MAP3K20: variants seen among roughly 807,000 people sequenced by gnomAD.
MAP3K20 encodes mitogen-activated protein kinase kinase kinase 20, also known as HCCS-4.
In MAP3K20, 40 loss-of-function variants were observed where a neutral mutation model predicts 85.7. The observed-to-expected ratio is 0.47, with a 90% CI of 0.36 to 0.61. MAP3K20 has a LOEUF of 0.61. MAP3K20 is among the 20% of genes least tolerant of loss of function. The pLI, the probability that MAP3K20 is intolerant of heterozygous loss-of-function variation, is 0.00. For missense variants in MAP3K20, 817 were observed against 961.7 expected, an observed-to-expected ratio of 0.85 and a Z score of 1.99; for synonymous variants, 325 against 327.7, an observed-to-expected ratio of 0.99 and a Z score of 0.09.
At chr2:173,088,377 T>C (rs1014224792) in intron 1 of MAP3K20, among the ~76,000 whole-genome samples, 11 of 152,254 alleles carry the variant, frequency 7.2e-5, no homozygotes, top group Non-Finnish European at 1.3e-4. Context: ...AAGTATGCCA[T>C]GCTTGCATGC....
At chr2:173,173,190 G>C (rs1014487689) in intron 3 of MAP3K20, among the ~76,000 whole-genome samples, 2 of 134,552 alleles carry the variant, frequency 1.5e-5, no homozygotes, top group African/African-American at 2.7e-5. Flanking sequence ...GTGTGTGTGT[G>C]TGTGTGTCTG....
intron 16 of MAP3K20, among the ~76,000 whole-genome samples, chr2:173,251,347 G>A (rs917661323): frequency 1.3e-5 from 2 of 152,042 alleles, no homozygotes; most frequent in African/African-American, 4.8e-5. Context: ...GAGTGGTGGT[G>A]GATTTTGAAA....
At chr2:173,141,212 A>ACTTAT (rs1559249063) in intron 2 of MAP3K20, among the ~76,000 whole-genome samples, 1 of 151,960 alleles carries the variant, frequency 6.6e-6, no homozygotes, top group African/African-American at 2.4e-5. Context: ...TTTTATACTA[A>ACTTAT]ATTCTCGTGT....
At chr2:173,216,510 G>GTT (rs35988775) in intron 10 of MAP3K20, among the ~76,000 whole-genome samples, 10,779 of 148,990 alleles carry the variant, frequency 0.072, 535 homozygotes, top group Admixed American at 0.13. Flanking sequence ...GTTCTGGTGT[G>GTT]TTTTTTTTTT....
chr2:173,229,590 G>A, intron 11 of MAP3K20, 99 bp from the exon 12 acceptor site: 1 of 1,522,782 alleles, frequency 6.6e-7, no homozygotes, highest in Non-Finnish European at 9.0e-7. Context: ...CCAAGCCAGA[G>A]CAGCAGCTGA....
In MAP3K20 at chr2:173,243,299, T is replaced by A. The variant is rs552281358; in HGVS notation, c.1359+3803T>A. Among the ~76,000 whole-genome samples the A allele has an allele frequency of 2.6e-5, 4 of 152,182 alleles. No homozygotes were observed. The South Asian group carries it at 8.3e-4, about 32-fold the overall frequency. On this transcript the variant is annotated intron_variant, in intron 16 of 19. Transcript: ENST00000375213. ...GTCCTTGAAGTCTTCTTGGTAGAAG[T>A]GTTGCTTAAGCTAAAATGTTAAAGC... is the stretch of plus-strand genomic sequence containing the variant.
chr2:173,139,473 G>A (rs1688905835), intron 2 of MAP3K20, among the ~76,000 whole-genome samples: 1 of 152,038 alleles, frequency 6.6e-6, no homozygotes, highest in South Asian at 2.1e-4. Flanking sequence ...GTGCTTGTTT[G>A]GACCAAGGAT....
intron 2 of MAP3K20, among the ~76,000 whole-genome samples, chr2:173,095,701 G>A (rs1348653700): frequency 6.6e-6 from 1 of 152,148 alleles, no homozygotes; most frequent in African/African-American, 2.4e-5. Flanking sequence ...GTATAACAAG[G>A]AAGAATTGGA....
chr2:173,163,978 T>G (rs2106243179), intron 2 of MAP3K20, among the ~76,000 whole-genome samples: 1 of 151,884 alleles, frequency 6.6e-6, no homozygotes, highest in South Asian at 2.1e-4. Context: ...TTTTTTTTTC[T>G]GAGACGGAGT....
chr2:173,187,471 C>T, intron 4 of MAP3K20, 87 bp from the exon 5 acceptor site: 1 of 1,135,664 alleles, frequency 8.8e-7, no homozygotes. Flanking sequence ...AGTTTCTGCT[C>T]TTGAGTTCTT....
chr2:173,212,194 A>G (rs1683920832), intron 10 of MAP3K20: 1 of 152,160 alleles, frequency 6.6e-6, no homozygotes, highest in Non-Finnish European at 1.5e-5. Flanking sequence ...CATTCATTGA[A>G]CTTCTGCTGG....
chr2:173,090,211 A>G (rs1687253722), intron 1 of MAP3K20, among the ~76,000 whole-genome samples: 1 of 152,206 alleles, frequency 6.6e-6, no homozygotes, highest in African/African-American at 2.4e-5. Context: ...CAGTGTTAAC[A>G]ATGGCCACTT....
At chr2:173,123,261 AT>A (rs1688350024) in intron 2 of MAP3K20, among the ~76,000 whole-genome samples, 1 of 152,202 alleles carries the variant, frequency 6.6e-6, no homozygotes, top group African/African-American at 2.4e-5. Context: ...AGTTAGGTGC[AT>A]CTATATCCAT....
chr2:173,145,342 A>G (rs1334109273), intron 2 of MAP3K20, among the ~76,000 whole-genome samples: 1 of 152,220 alleles, frequency 6.6e-6, no homozygotes, highest in African/African-American at 2.4e-5. Context: ...GATGCAATCT[A>G]CTGACTGGGA....
In MAP3K20 at chr2:173,240,589, G is replaced by A. The variant is rs140000611; in HGVS notation, c.1359+1093G>A. On this transcript the variant is annotated intron_variant, in intron 16 of 19. Coordinates refer to ENST00000375213, the MANE Select transcript of MAP3K20 (RefSeq NM_016653.3). ...ACAGGTATATGGAAAATGGCTCAGCGTCACTAATTATCAGGGAAATGCAAA... is the reference window on the plus strand; with the variant it reads ...ACAGGTATATGGAAAATGGCTCAGCATCACTAATTATCAGGGAAATGCAAA... Among the ~76,000 whole-genome samples, 1,005 of 152,268 alleles carry A rather than the reference G, an allele frequency of 6.6e-3. 13 individuals are homozygous for A. The highest frequency in any genetic ancestry group is 0.023 in the African/African-American group (956 of 41,562).
intron 4 of MAP3K20, 50 bp downstream of exon 4, chr2:173,183,005 C>A: frequency 7.0e-7 from 1 of 1,426,950 alleles, no homozygotes. Context: ...GCATTTTCCC[C>A]TCCTGAAATG....
chr2:173,257,861 G>A (rs1685195862), intron 16 of MAP3K20, among the ~76,000 whole-genome samples: 1 of 152,160 alleles, frequency 6.6e-6, no homozygotes, highest in Non-Finnish European at 1.5e-5. Flanking sequence ...TGGGTGTATA[G>A]TGGTACCTCA....
intron 2 of MAP3K20, among the ~76,000 whole-genome samples, chr2:173,139,827 C>T (rs1375712376): frequency 6.6e-6 from 1 of 152,086 alleles, no homozygotes; most frequent in African/African-American, 2.4e-5. Context: ...CTATTCATAG[C>T]CATTTGTTTA....
chr2:173,195,894 C>CTTTAT (rs1690816525), intron 7 of MAP3K20, among the ~76,000 whole-genome samples: 1 of 151,970 alleles, frequency 6.6e-6, no homozygotes. Flanking sequence ...TTATTTTTTT[C>CTTTAT]TTTATTTTTC....
Sources: gnomAD v4.1 joint callset for allele counts (sites outside exome capture counted in the v4.1 genomes callset) on GRCh38, gnomAD v4.1.1 for gene constraint, MANE v1.5 for transcripts, NCBI Gene and HGNC (gene_info 2026-07-23, HGNC 2026-07-21) for gene names.